Variants in MEF2C observed in about 807,000 individuals in gnomAD.
MEF2C encodes the protein myocyte-specific enhancer factor 2C.
A neutral mutation model predicts 50.5 loss-of-function variants in MEF2C; 6 were observed. The observed-to-expected ratio is 0.12, with a 90% CI of 0.07 to 0.23. The LOEUF is 0.23. Among genes scored for constraint, MEF2C ranks in the 10% least tolerant of loss-of-function variants. The probability of loss-of-function intolerance (pLI) is 1.00; values close to 1 mark genes in which losing one functional copy is unlikely to be tolerated. For missense variants in MEF2C, 276 were observed against 605.0 expected (o/e 0.46, Z 5.70); for synonymous variants, 183 against 228.0 (o/e 0.80, Z 1.78).
chr5:88,729,664 A>C, intron 8 of MEF2C: 1 of 297,578 alleles, frequency 3.4e-6, no homozygotes, highest in South Asian at 4.1e-5. Flanking sequence ...CCATTGTTTC[A>C]GTTTTCATTC....
At chr5:88,797,892 C>T (rs987117205) in intron 3 of MEF2C, among the ~76,000 whole-genome samples, 4 of 152,058 alleles carry the variant, frequency 2.6e-5, no homozygotes, top group African/African-American at 9.7e-5. Flanking sequence ...TTTATTTCTC[C>T]TTCACTTATG....
In MEF2C at chr5:88,818,458, A is replaced by C. The variant is rs1348327812; in HGVS notation, c.54+5277T>G. Among the ~76,000 whole-genome samples, 4 of 152,118 alleles carry C rather than the reference A, an allele frequency of 2.6e-5. No homozygotes were observed. The East Asian group carries it at 7.8e-4, about 30-fold the overall frequency. On this transcript the variant is annotated intron_variant, in intron 2 of 10. Coordinates refer to ENST00000504921, the MANE Select transcript of MEF2C (RefSeq NM_002397.5). ...TGGAGGTATTTCAAGGGTAAAAAAA[A>C]AATGCCGACGGAGAGACTGAAACTG...
chr5:88,744,588 T>C (rs1768445542), intron 6 of MEF2C, among the ~76,000 whole-genome samples: 1 of 152,204 alleles, frequency 6.6e-6, no homozygotes. Flanking sequence ...GACAAAATGT[T>C]ATTTTAAAAG....
chr5:88,898,508 G>T (rs1050071316), intron 1 of MEF2C, among the ~76,000 whole-genome samples: 8 of 152,074 alleles, frequency 5.3e-5, no homozygotes, highest in African/African-American at 1.9e-4. Flanking sequence ...AAATAGGACT[G>T]GCACTGGTCA....
intron 1 of MEF2C, among the ~76,000 whole-genome samples, chr5:88,863,978 CG>C (rs1362399683): frequency 2.0e-5 from 3 of 151,896 alleles, no homozygotes; most frequent in African/African-American, 7.3e-5. Context: ...TGTGCCACCA[CG>C]CTTGGCTCTA....
intron 5 of MEF2C, among the ~76,000 whole-genome samples, chr5:88,749,690 T>G (rs1051468043): frequency 6.6e-5 from 10 of 152,220 alleles, no homozygotes; most frequent in African/African-American, 2.4e-4. Context: ...GCAATGTTTA[T>G]TTATGAGAGT....
intron 6 of MEF2C, chr5:88,737,147 A>C: frequency 1.0e-6 from 1 of 985,402 alleles, no homozygotes; most frequent in African/African-American, 1.7e-5. Flanking sequence ...TGAGGTGAGA[A>C]CTGAAAATGT....
intron 5 of MEF2C, chr5:88,751,613 T>C: frequency 1.2e-6 from 1 of 860,436 alleles, no homozygotes; most frequent in African/African-American, 1.8e-5. Context: ...GGTTAAAATA[T>C]AGCCACAGGA....
intron 1 of MEF2C, among the ~76,000 whole-genome samples, chr5:88,844,265 T>C (rs919134347): frequency 2.6e-5 from 4 of 152,172 alleles, no homozygotes; most frequent in African/African-American, 9.7e-5. Context: ...AATCAAGGCA[T>C]TGAAAAAATG....
chr5:88,804,515 A>ATGTG (rs1799567346), intron 3 of MEF2C, 83 bp downstream of exon 3: 7 of 1,177,382 alleles, frequency 5.9e-6, no homozygotes, highest in Non-Finnish European at 7.5e-6. Context: ...AAAGAACATG[A>ATGTG]TGTGTGTATG....
At chr5:88,796,859 T>G (rs1178125283) in intron 3 of MEF2C, among the ~76,000 whole-genome samples, 1 of 152,238 alleles carries the variant, frequency 6.6e-6, no homozygotes, top group African/African-American at 2.4e-5. Flanking sequence ...ACTTACTTAT[T>G]TCTGCCTTAA....
In MEF2C at chr5:88,861,922, A is replaced by T. The variant is rs555457569; in HGVS notation, c.-143+21033T>A. 2.0e-5 allele frequency among the ~76,000 whole-genome samples: 3 copies of T among 152,338 alleles called. 1 individual carries two copies. In the South Asian group the frequency reaches 6.2e-4, roughly 32 times the overall value. On this transcript the variant is annotated intron_variant, in intron 1 of 10. Transcript: ENST00000504921. ...TTCACTACATTTTGTGACTTCCAAA[A>T]AAGTCAATCCATTAGACCAAAGTTC...
intron 3 of MEF2C, 41 bp downstream of exon 3, chr5:88,804,557 T>G: frequency 6.2e-7 from 1 of 1,601,998 alleles, no homozygotes; most frequent in Non-Finnish European, 8.5e-7. Context: ...CAAACTCCCC[T>G]GCTTGCGGAG....
chr5:88,775,829 G>C, intron 3 of MEF2C: 1 of 983,866 alleles, frequency 1.0e-6, no homozygotes, highest in African/African-American at 1.7e-5. Context: ...GAAGGGTATA[G>C]AGAGTATTTT....
intron 4 of MEF2C, among the ~76,000 whole-genome samples, chr5:88,754,828 G>A (rs1774527685): frequency 6.6e-6 from 1 of 152,174 alleles, no homozygotes; most frequent in South Asian, 2.1e-4. Context: ...CTCAAGATGA[G>A]AATTTTTTTC....
chr5:88,733,939 A>G, intron 6 of MEF2C: 1 of 985,274 alleles, frequency 1.0e-6, no homozygotes, highest in Non-Finnish European at 1.2e-6. Context: ...AATATGACAA[A>G]CCCCCAAATT....
At chr5:88,725,575 T>A (rs1441520853) in intron 10 of MEF2C, among the ~76,000 whole-genome samples, 2 of 151,626 alleles carry the variant, frequency 1.3e-5, no homozygotes, top group East Asian at 3.9e-4. Context: ...GATAAAGAGG[T>A]GGGTGGGGAG....
intron 10 of MEF2C, among the ~76,000 whole-genome samples, chr5:88,725,996 A>C (rs1758537089): frequency 6.6e-6 from 1 of 152,154 alleles, no homozygotes; most frequent in Non-Finnish European, 1.5e-5. Context: ...TCTGTCAGCC[A>C]TCTCTCTCCC....
rs565899875 is a variant in MEF2C at position 88,858,434 on chromosome 5, T to C, written c.-143+24521A>G. On this transcript the variant is annotated intron_variant, in intron 1 of 10. Transcript: ENST00000504921. ...GCTCATTAATTTAGCAAGTTAATCA[T>C]GGGCCTTGGCTGCATTTATAGTTGG... Among the ~76,000 whole-genome samples, 24 of 152,352 alleles carry C rather than the reference T, an allele frequency of 1.6e-4. No individual in the cohort carries two copies. The South Asian group carries it at 4.3e-3, about 28-fold the overall frequency.
Sources: gnomAD v4.1 joint callset for allele counts (sites outside exome capture counted in the v4.1 genomes callset) on GRCh38, gnomAD v4.1.1 for gene constraint, MANE v1.5 for transcripts, NCBI Gene and HGNC (gene_info 2026-07-23, HGNC 2026-07-21) for gene names.